The following TRIM67 variants were observed in gnomAD, a reference collection of about 807,000 sequenced individuals.
The protein encoded by TRIM67 is tripartite motif-containing protein 67.
A neutral mutation model predicts 71.0 loss-of-function variants in TRIM67; 39 were observed. That is an observed-to-expected ratio of 0.55 (90% confidence interval 0.43 to 0.72). TRIM67 has a LOEUF of 0.72. TRIM67 is among the 30% of genes least tolerant of loss of function. The pLI, the probability that TRIM67 is intolerant of heterozygous loss-of-function variation, is 0.00. For missense variants in TRIM67, 973 were observed against 1,079.2 expected, an observed-to-expected ratio of 0.90 and a Z score of 1.38; for synonymous variants, 481 against 473.9, an observed-to-expected ratio of 1.01 and a Z score of -0.19.
chr1:231,216,816 C>T lies in TRIM67; in HGVS notation c.*1376C>T. ...GACAGCTCATGGCAGGGGTTTTGAG[C>T]CTGCCAGGCTCTTGTTCCCAGGGAA... is the stretch of plus-strand genomic sequence containing the variant. On this transcript the variant is annotated 3_prime_UTR_variant, in exon 10 of 10. Transcript: ENST00000366653. 1 of 985,538 alleles carries T rather than the reference C, an allele frequency of 1.0e-6. No individual in the cohort carries two copies. The highest frequency in any genetic ancestry group is 4.7e-5 in the South Asian group (1 of 21,290). 61.0% of individuals were successfully genotyped at this position (985,538 alleles called of 1,614,324 possible).
Position 231,197,389 on chromosome 1 carries a change from T to C in TRIM67, c.1063T>C (p.Leu355=), listed in dbSNP as rs1256557908. Residue 355 remains leucine (L), a synonymous_variant, in exon 2 of 10, where the codon TTA becomes CTA. Coordinates refer to ENST00000366653, the MANE Select transcript of TRIM67 (RefSeq NM_001004342.5). ...KQHKAQLSQA[L]NGVSDKAKEA... is the part of the protein sequence containing the mutation. ...TTTTCAGGCACAACTATCTCAGGCC[T>C]TAAATGGAGTTTCAGATAAGGCAAA... 6.2e-7 allele frequency: 1 copy of C among 1,613,878 alleles called. No homozygotes were observed. Among genetic ancestry groups the C allele is most frequent in the African/African-American group, 1.3e-5 (1 of 74,934 alleles).
At chr1:231,202,065 A>AGG (rs1553327037) in intron 5 of TRIM67, among the ~76,000 whole-genome samples, 2 of 4,840 alleles carry the variant, frequency 4.1e-4, no homozygotes, top group African/African-American at 2.2e-3. Context: ...GGAGGAGGAG[A>AGG]TGGAGGAGGA....
chr1:231,214,121 G>C (rs1683946969), intron 9 of TRIM67, 144 bp downstream of exon 9: 1 of 1,094,680 alleles, frequency 9.1e-7, no homozygotes. Context: ...GGCCTGCCTT[G>C]GACATTTCCT....
chr1:231,162,826 C>G lies in TRIM67; in HGVS notation c.-144C>G. 9.4e-7 allele frequency: 1 copy of G among 1,061,398 alleles called. No homozygotes were observed. The highest frequency in any genetic ancestry group is 1.6e-5 in the South Asian group (1 of 62,446). 65.7% of individuals were successfully genotyped at this position (1,061,398 alleles called of 1,614,324 possible). A position where few individuals can be genotyped will look rare whatever the true frequency, so the allele number is the denominator to read the frequency against. ...CTACAGGACAGAGAGAGGGGCGTGC[C>G]CCTCGGCTGTGAAGTGGGCATGCCC... On this transcript the variant is annotated 5_prime_UTR_variant, in exon 1 of 10. Transcript: ENST00000366653.
At chr1:231,169,349 C>T (rs1051399671) in intron 1 of TRIM67, among the ~76,000 whole-genome samples, 1 of 150,234 alleles carries the variant, frequency 6.7e-6, no homozygotes, top group Non-Finnish European at 1.5e-5. Context: ...GCCACTGCAC[C>T]AGCCTTCGAT....
In TRIM67 at chr1:231,163,830, G is replaced by C. The variant is rs768391397; in HGVS notation, c.861G>C (p.Ala287=). ...GCGGCTGCAAGAGCCCGGGAGGCGC[G>C]GGGGCGGGGGCGACTGGGGGCAGCA... ...GGGGCKSPGG[A]GAGATGGSTA... is the part of the protein sequence containing the mutation. Residue 287 remains alanine, a synonymous_variant, in exon 1 of 10, where the codon GCG becomes GCC. Coordinates refer to ENST00000366653, the MANE Select transcript of TRIM67 (RefSeq NM_001004342.5). 2 of 1,520,100 alleles carry C rather than the reference G, an allele frequency of 1.3e-6. No homozygotes were observed. The highest frequency in any genetic ancestry group is 4.1e-5 in the Admixed American group (2 of 48,546). The allele number at this position is 1,520,100 out of a possible 1,614,324, so 94.2% of individuals were successfully genotyped here. A position where few individuals can be genotyped will look rare whatever the true frequency, so the allele number is the denominator to read the frequency against.
chr1:231,163,819 C>T lies in TRIM67; in HGVS notation c.850C>T (p.Pro284Ser). 2 of 1,515,808 alleles carry T rather than the reference C, an allele frequency of 1.3e-6. No homozygotes were observed. The highest frequency in any genetic ancestry group is 2.5e-5 in the South Asian group (2 of 79,782). 93.9% of individuals were successfully genotyped at this position (1,515,808 alleles called of 1,614,324 possible). A position where few individuals can be genotyped will look rare whatever the true frequency, so the allele number is the denominator to read the frequency against. ...CAGCGGAGGCGGCGGCTGCAAGAGC[C>T]CGGGAGGCGCGGGGGCGGGGGCGAC... ...APSGGGGCKS[P>S]GGAGAGATGG... The change falls in exon 1 of 10, where the codon CCG (proline) becomes TCG (serine). Residue 284 changes from proline to serine, a missense_variant. By Grantham distance (74) the Pro-to-Ser change is moderately conservative. Around this residue, in one of 2 missense-constraint regions of TRIM67, gnomAD observed 795 missense variants for 831.3 expected, o/e 0.96. Coordinates refer to ENST00000366653, the MANE Select transcript of TRIM67 (RefSeq NM_001004342.5).
At chr1:231,203,687 TC>T (rs1292299250) in intron 5 of TRIM67, among the ~76,000 whole-genome samples, 179 bp from the exon 6 acceptor site, 1 of 152,112 alleles carries the variant, frequency 6.6e-6, no homozygotes, top group African/African-American at 2.4e-5. Flanking sequence ...CTTGGCTTCA[TC>T]CCCAGCCCAC....
chr1:231,219,367 G>T lies in TRIM67; in HGVS notation c.*3927G>T. ...CACAAGTTGAGAACCACCAGGTTAT[G>T]CCAGTGGTTTGTCATGCATGGATCT... On this transcript the variant is annotated 3_prime_UTR_variant, in exon 10 of 10. Transcript: ENST00000366653. 2.1e-5 allele frequency: 21 copies of T among 987,848 alleles called. No individual in the cohort carries two copies. Among genetic ancestry groups the T allele is most frequent in the Non-Finnish European group, 2.5e-5 (21 of 831,572 alleles). 61.2% of individuals were successfully genotyped at this position (987,848 alleles called of 1,614,324 possible).
At position 231,215,734 on chromosome 1, in the gene TRIM67, G is replaced by GGGCT; in HGVS notation, c.*295_*298dup. Reference sequence around the variant, plus strand: ...ACCTTTCTCAAGGGAGTCAGCATTCGGGCTTCATGTCTATGTTTCCTGCCA... The same window carrying GGGCT: ...ACCTTTCTCAAGGGAGTCAGCATTCGGGCTGGCTTCATGTCTATGTTTCCTGCCA... On this transcript the variant is annotated 3_prime_UTR_variant, in exon 10 of 10. Coordinates refer to ENST00000366653, the MANE Select transcript of TRIM67 (RefSeq NM_001004342.5). 8.4e-7 allele frequency: 1 copy of GGGCT among 1,193,258 alleles called. No homozygotes were observed. The highest frequency in any genetic ancestry group is 1.0e-6 in the Non-Finnish European group (1 of 962,548). The allele number at this position is 1,193,258 out of a possible 1,614,324, so 73.9% of individuals were successfully genotyped here.
chr1:231,194,039 A>G (rs1228651851), intron 1 of TRIM67, among the ~76,000 whole-genome samples: 1 of 152,094 alleles, frequency 6.6e-6, no homozygotes, highest in Non-Finnish European at 1.5e-5. Flanking sequence ...GAGGGCCCTC[A>G]CCCTGAACCA....
In TRIM67 at chr1:231,217,869, G is replaced by A; in HGVS notation, c.*2429G>A. Reference sequence around the variant, plus strand: ...GGAGGGTAATGCCCTCAAATCCGGTGGCCTCTTTCAGAAAAAAGTTCCCTG... The same window carrying A: ...GGAGGGTAATGCCCTCAAATCCGGTAGCCTCTTTCAGAAAAAAGTTCCCTG... On this transcript the variant is annotated 3_prime_UTR_variant, in exon 10 of 10. Transcript: ENST00000366653. 3.1e-6 allele frequency: 4 copies of A among 1,289,624 alleles called. No homozygotes were observed. The highest frequency in any genetic ancestry group is 4.0e-6 in the Non-Finnish European group (4 of 988,764). The allele number at this position is 1,289,624 out of a possible 1,614,324, so 79.9% of individuals were successfully genotyped here.
chr1:231,185,958 G>C, intron 1 of TRIM67: 2 of 797,762 alleles, frequency 2.5e-6, no homozygotes, highest in Non-Finnish European at 4.1e-6. Flanking sequence ...TGACAGCCGG[G>C]ACAAGGGCTC....
intron 1 of TRIM67, among the ~76,000 whole-genome samples, chr1:231,189,022 A>G (rs1683162289): frequency 6.6e-6 from 1 of 152,132 alleles, no homozygotes; most frequent in African/African-American, 2.4e-5. Flanking sequence ...TTGTCCTGAG[A>G]ACTGCCTCAT....
chr1:231,180,222 T>C (rs979539105), intron 1 of TRIM67, among the ~76,000 whole-genome samples: 2 of 152,218 alleles, frequency 1.3e-5, no homozygotes, highest in Non-Finnish European at 1.5e-5. Flanking sequence ...TATTCAGTTA[T>C]GTGGATATTG....
intron 2 of TRIM67, among the ~76,000 whole-genome samples, chr1:231,198,549 G>A (rs1451889003): frequency 1.3e-5 from 2 of 152,136 alleles, no homozygotes; most frequent in Admixed American, 1.3e-4. Flanking sequence ...CCTACACCCA[G>A]CTAATTTTGT....
In TRIM67 at chr1:231,217,199, T is replaced by C. The variant is rs1684035719; in HGVS notation, c.*1759T>C. The C allele has an allele frequency of 4.1e-6, 4 of 985,948 alleles. No individual in the cohort carries two copies. In the South Asian group the frequency reaches 1.4e-4, roughly 35 times the overall value. 61.1% of individuals were successfully genotyped at this position (985,948 alleles called of 1,614,324 possible). On this transcript the variant is annotated 3_prime_UTR_variant, in exon 10 of 10. Transcript: ENST00000366653. ...GCTTGGTCCGCTGTCTCTGCAGATG[T>C]GGCCGGCAAGGCCAGCTGCCCCGTC...
At chr1:231,210,065 C>G (rs183602676) in intron 8 of TRIM67, among the ~76,000 whole-genome samples, 178 of 152,344 alleles carry the variant, frequency 1.2e-3, no homozygotes, top group African/African-American at 3.8e-3. Context: ...TGTGCTCACA[C>G]CTGGCCAGCA....
In TRIM67 at chr1:231,218,379, A is replaced by T. The variant is rs557873157; in HGVS notation, c.*2939A>T. 1.5e-5 allele frequency: 15 copies of T among 986,218 alleles called. No homozygotes were observed. The highest frequency in any genetic ancestry group is 1.1e-4 in the East Asian group (1 of 8,834). The allele number at this position is 986,218 out of a possible 1,614,324, so 61.1% of individuals were successfully genotyped here. ...GTGAAAAAGGAATTCAAAGTAGTTTAAAAATGTCGAGTTCCATTGCATTGT... is the reference window on the plus strand; with the variant it reads ...GTGAAAAAGGAATTCAAAGTAGTTTTAAAATGTCGAGTTCCATTGCATTGT... On this transcript the variant is annotated 3_prime_UTR_variant, in exon 10 of 10. Transcript: ENST00000366653.
Sources: gnomAD v4.1 joint callset for allele counts (sites outside exome capture counted in the v4.1 genomes callset) on GRCh38, gnomAD v4.1.1 for gene constraint, gnomAD v4.1.1 regional missense constraint, MANE v1.5 for transcripts, NCBI Gene and HGNC (gene_info 2026-07-23, HGNC 2026-07-21) for gene names.